Variants in TYW1B observed in about 807,000 individuals in gnomAD.
TYW1B encodes the protein S-adenosyl-L-methionine-dependent tRNA 4-demethylwyosine synthase TYW1B.
TYW1B carries 73 observed loss-of-function variants against 86.9 expected under a neutral mutation model. That is an observed-to-expected ratio of 0.84 (90% confidence interval 0.70 to 1.02). The LOEUF (loss-of-function observed/expected upper bound fraction) is 1.02, where lower values mean the gene tolerates loss of function less well. Ranked by LOEUF, TYW1B falls within the 50% of genes least tolerant of loss-of-function variation. The pLI, the probability that TYW1B is intolerant of heterozygous loss-of-function variation, is 0.00. For missense variants in TYW1B, 637 were observed against 827.4 expected, an observed-to-expected ratio of 0.77 and a Z score of 2.82; for synonymous variants, 248 against 292.8, an observed-to-expected ratio of 0.85 and a Z score of 1.56.
chr7:72,646,566 G>A (rs1563044215), intron 11 of TYW1B, among the ~76,000 whole-genome samples: 1 of 151,974 alleles, frequency 6.6e-6, no homozygotes, highest in Non-Finnish European at 1.5e-5. Flanking sequence ...TAGAGACGAG[G>A]TTTTGCTATG....
Position 72,807,282 on chromosome 7 carries a change from G to A in TYW1B, c.507C>T (p.Cys169=), listed in dbSNP as rs529650962. The part of the protein sequence containing the change: ...HRVMSRGEGD[C]DVVKSKHGSI... Reference sequence around the variant, plus strand: ...TGCCGTGCTTGCTTTTAACCACGTCGCAGTCGCCCTCCCCTCGACTCATCA... The same window carrying A: ...TGCCGTGCTTGCTTTTAACCACGTCACAGTCGCCCTCCCCTCGACTCATCA... The change falls in exon 5 of 14, where the codon TGC becomes TGT. Residue 169 remains cysteine, a synonymous_variant. Transcript: ENST00000620995. 1.3e-5 allele frequency: 21 copies of A among 1,614,106 alleles called. No individual in the cohort carries two copies. The highest frequency in any genetic ancestry group is 1.0e-4 in the Admixed American group (6 of 59,982).
At chr7:72,642,027 G>C (rs2844158) in intron 11 of TYW1B, among the ~76,000 whole-genome samples, 1 of 152,162 alleles carries the variant, frequency 6.6e-6, no homozygotes, top group Non-Finnish European at 1.5e-5. Flanking sequence ...AAGGATAAAA[G>C]TGAAGATCAA....
At chr7:72,596,660 C>T (rs531918053) in intron 13 of TYW1B, among the ~76,000 whole-genome samples, 39 of 152,196 alleles carry the variant, frequency 2.6e-4, no homozygotes, top group African/African-American at 9.2e-4. Context: ...AAACATAAGA[C>T]TTAAAATTAT....
At chr7:72,598,949 C>T (rs1554433169) in intron 13 of TYW1B, among the ~76,000 whole-genome samples, 1 of 152,124 alleles carries the variant, frequency 6.6e-6, no homozygotes, top group Non-Finnish European at 1.5e-5. Flanking sequence ...CTGGTGAATC[C>T]TACCAAACAT....
intron 13 of TYW1B, among the ~76,000 whole-genome samples, chr7:72,582,090 T>A (rs1386099341): frequency 4.9e-5 from 7 of 143,794 alleles, no homozygotes; most frequent in Non-Finnish European, 9.1e-5. Flanking sequence ...TTTTTTTTTT[T>A]AATATTAAAG....
At chr7:72,613,104 T>C (rs1585847953) in intron 13 of TYW1B, among the ~76,000 whole-genome samples, 1 of 152,056 alleles carries the variant, frequency 6.6e-6, no homozygotes, top group South Asian at 2.1e-4. Flanking sequence ...TCTTTTGAAA[T>C]AGCAACATCA....
At chr7:72,759,797 C>A (rs1787657017) in intron 7 of TYW1B, among the ~76,000 whole-genome samples, 1 of 152,152 alleles carries the variant, frequency 6.6e-6, no homozygotes, top group South Asian at 2.1e-4. Context: ...ACAACAGCTC[C>A]ATGGTAACCA....
chr7:72,739,656 T>C (rs1395568528), intron 8 of TYW1B, among the ~76,000 whole-genome samples: 2 of 144,156 alleles, frequency 1.4e-5, no homozygotes, highest in Non-Finnish European at 3.0e-5. Context: ...TCTCAGTAGG[T>C]ACATGAACAA....
chr7:72,585,612 C>T (rs1224511483), intron 13 of TYW1B, among the ~76,000 whole-genome samples: 2 of 152,100 alleles, frequency 1.3e-5, no homozygotes, highest in Admixed American at 6.6e-5. Flanking sequence ...GGAGGAGGGC[C>T]TTTCCTGTGC....
intron 7 of TYW1B, among the ~76,000 whole-genome samples, chr7:72,773,025 A>ATGCAT (rs1441918590): frequency 6.6e-6 from 1 of 152,226 alleles, no homozygotes; most frequent in Non-Finnish European, 1.5e-5. Context: ...GATACCAAAT[A>ATGCAT]TGCATTTAAA....
intron 12 of TYW1B, among the ~76,000 whole-genome samples, chr7:72,621,725 C>A (rs1174382789): frequency 1.3e-5 from 2 of 152,190 alleles, no homozygotes; most frequent in Non-Finnish European, 2.9e-5. Context: ...GCTAAATGAT[C>A]AAAAAATCAA....
chr7:72,738,425 C>T (rs1413240225), intron 8 of TYW1B, among the ~76,000 whole-genome samples: 1 of 152,142 alleles, frequency 6.6e-6, no homozygotes, highest in Non-Finnish European at 1.5e-5. Flanking sequence ...CAGCAATACC[C>T]TTCACTGAAA....
At chr7:72,714,186 CT>C (rs1190992497) in intron 9 of TYW1B, among the ~76,000 whole-genome samples, 22 of 151,992 alleles carry the variant, frequency 1.4e-4, no homozygotes, top group Non-Finnish European at 2.5e-4. Flanking sequence ...GTATCCTGAA[CT>C]GGGAAAGTAA....
chr7:72,662,625 AT>A lies in TYW1B; in HGVS notation c.1506+32061del, dbSNP rs577941673. Among the ~76,000 whole-genome samples, 515 of 152,266 alleles carry A rather than the reference AT, an allele frequency of 3.4e-3. 2 individuals are homozygous for A. Among genetic ancestry groups the A allele is most frequent in the African/African-American group, 0.012 (488 of 41,538 alleles). ...TTAACATTTCTAACAGGCAAAACAC[AT>A]TTTTCCCCCCAGTGTGTGGAAGGGA... On this transcript the variant is annotated intron_variant, in intron 11 of 13. Coordinates refer to ENST00000620995, the MANE Select transcript of TYW1B (RefSeq NM_001145440.3).
chr7:72,644,710 G>C (rs1209015880), intron 11 of TYW1B, among the ~76,000 whole-genome samples: 1 of 151,346 alleles, frequency 6.6e-6, no homozygotes, highest in Non-Finnish European at 1.5e-5. Context: ...ATTGCAGTGG[G>C]GAAAAAAATC....
intron 6 of TYW1B, among the ~76,000 whole-genome samples, chr7:72,780,024 C>T (rs1409058413): frequency 6.6e-6 from 1 of 152,128 alleles, no homozygotes; most frequent in Non-Finnish European, 1.5e-5. Context: ...CATAAACAAA[C>T]ATCAATCATT....
intron 11 of TYW1B, among the ~76,000 whole-genome samples, chr7:72,630,632 C>T (rs1298215754): frequency 6.6e-6 from 1 of 152,014 alleles, no homozygotes; most frequent in African/African-American, 2.4e-5. Context: ...TTGAAGGAAA[C>T]TAAGAGGTCG....
chr7:72,744,936 T>TA (rs1787369108), intron 7 of TYW1B, among the ~76,000 whole-genome samples: 1 of 152,202 alleles, frequency 6.6e-6, no homozygotes. Flanking sequence ...AACAGACTCC[T>TA]AAAAAATGGG....
intron 2 of TYW1B, among the ~76,000 whole-genome samples, chr7:72,826,498 A>C (rs533742148): frequency 6.6e-6 from 1 of 152,150 alleles, no homozygotes; most frequent in Admixed American, 6.6e-5. Flanking sequence ...TTTATCCTAT[A>C]AGGTATTTTA....
Sources: allele counts gnomAD v4.1 joint callset (sites outside exome capture counted in the v4.1 genomes callset), GRCh38; gene constraint gnomAD v4.1.1; transcripts MANE v1.5; gene names NCBI Gene and HGNC (gene_info 2026-07-23, HGNC 2026-07-21).